Variants in GLB1 observed in about 807,000 individuals in gnomAD.
The protein encoded by GLB1 is beta-galactosidase.
Under a neutral mutation model 74.0 loss-of-function variants are expected in GLB1, and 56 were observed. The ratio of observed to expected loss-of-function variants is 0.76; its 90% CI spans 0.61 to 0.94. The LOEUF (loss-of-function observed/expected upper bound fraction) is 0.94, where lower values mean the gene tolerates loss of function less well. Ranked by LOEUF, GLB1 falls within the 40% of genes least tolerant of loss-of-function variation. The pLI is 0.00. For missense variants in GLB1, 787 were observed against 845.5 expected, an observed-to-expected ratio of 0.93 and a Z score of 0.86; for synonymous variants, 323 against 323.6, an observed-to-expected ratio of 1.00 and a Z score of 0.02.
At chr3:32,982,806 GTC>G in the GLB1 span, among the ~76,000 whole-genome samples, 1 of 152,214 alleles carries the variant, frequency 6.6e-6, no homozygotes, top group South Asian at 2.1e-4. Flanking sequence ...TTCAGTGAGA[GTC>G]TCTGTTTATG....
At chr3:33,072,483 G>T in intron 2 of GLB1, 61 bp downstream of exon 2, 1 of 1,607,462 alleles carries the variant, frequency 6.2e-7, no homozygotes, top group Non-Finnish European at 8.5e-7. Context: ...AAATACAGTT[G>T]TATCTTCTCT....
chr3:32,969,163 G>A, the GLB1 span, among the ~76,000 whole-genome samples: 2 of 152,296 alleles, frequency 1.3e-5, no homozygotes, highest in African/African-American at 4.8e-5. Flanking sequence ...CCGTCGTGCT[G>A]GGTATGCAGT....
rs141241185 is a variant in GLB1 at position 33,071,609 on chromosome 3, G to A, written c.245+935C>T. 7.9e-3 allele frequency among the ~76,000 whole-genome samples: 1,207 copies of A among 152,236 alleles called. 9 individuals are homozygous for A. The highest frequency in any genetic ancestry group is 0.012 in the Non-Finnish European group (832 of 68,016). ...TCAGAAAACAATACCCCAAAGTATG[G>A]CACCTTGGCATGCTAAGTACTTTGA... On this transcript the variant is annotated intron_variant, in intron 2 of 15. Coordinates refer to ENST00000307363, the MANE Select transcript of GLB1 (RefSeq NM_000404.4).
At chr3:32,988,854 T>C in the GLB1 span, among the ~76,000 whole-genome samples, 1 of 152,130 alleles carries the variant, frequency 6.6e-6, no homozygotes, top group Non-Finnish European at 1.5e-5. Context: ...TGTTTTTTTT[T>C]TCTACAAGCT....
intron 10 of GLB1, chr3:33,030,080 G>T (rs1488046841): frequency 6.6e-6 from 1 of 152,196 alleles, no homozygotes; most frequent in Admixed American, 6.5e-5. Context: ...GGTAACTGAG[G>T]TGTGTCTTCA....
chr3:32,965,184 G>A, the GLB1 span, among the ~76,000 whole-genome samples: 1 of 152,336 alleles, frequency 6.6e-6, no homozygotes, highest in African/African-American at 2.4e-5. Context: ...AAATGTGGAA[G>A]CGACTTTGGA....
intron 11 of GLB1, among the ~76,000 whole-genome samples, chr3:33,023,468 T>C (rs1276290781): frequency 6.6e-6 from 1 of 152,156 alleles, no homozygotes; most frequent in Non-Finnish European, 1.5e-5. Flanking sequence ...ATGGAAAAAT[T>C]ACATAATCAT....
intron 1 of GLB1, among the ~76,000 whole-genome samples, chr3:33,078,093 A>G (rs2125562966): frequency 6.6e-6 from 1 of 152,256 alleles, no homozygotes; most frequent in Non-Finnish European, 1.5e-5. Flanking sequence ...TAAACAAACA[A>G]AATTAGCTGG....
At chr3:32,994,727 C>A (rs1696277932), downstream of GLB1, among the ~76,000 whole-genome samples, 1 of 151,928 alleles carries the variant, frequency 6.6e-6, no homozygotes, top group African/African-American at 2.4e-5. Context: ...TTGAGACCAG[C>A]CTGACCAACA....
intron 1 of GLB1, chr3:33,090,285 C>T: frequency 1.8e-6 from 1 of 555,880 alleles, no homozygotes; most frequent in Non-Finnish European, 2.3e-6. Context: ...ATAAAGAGTA[C>T]AGGTGGGGCA....
chr3:33,047,775 T>C (rs1426175783), intron 9 of GLB1, among the ~76,000 whole-genome samples: 1 of 152,204 alleles, frequency 6.6e-6, no homozygotes, highest in Non-Finnish European at 1.5e-5. Context: ...AAAGACTTTT[T>C]CATTAGTTCT....
At chr3:33,004,457 G>A (rs147696198) in intron 15 of GLB1, among the ~76,000 whole-genome samples, 1 of 152,328 alleles carries the variant, frequency 6.6e-6, no homozygotes, top group Non-Finnish European at 1.5e-5. Flanking sequence ...GTCAGAAGGT[G>A]CCTAAGCATG....
At chr3:33,002,474 C>G in intron 15 of GLB1, among the ~76,000 whole-genome samples, 1 of 151,504 alleles carries the variant, frequency 6.6e-6, no homozygotes, top group Non-Finnish European at 1.5e-5. Flanking sequence ...CTTAAGCGAT[C>G]CTCCTGTGTC....
chr3:33,062,413 C>T (rs1699478804), intron 5 of GLB1, among the ~76,000 whole-genome samples: 1 of 152,220 alleles, frequency 6.6e-6, no homozygotes, highest in South Asian at 2.1e-4. Flanking sequence ...AGAGATCCTC[C>T]TGCCTCGGCC....
chr3:32,985,139 T>C, the GLB1 span, among the ~76,000 whole-genome samples: 16 of 151,502 alleles, frequency 1.1e-4, no homozygotes, highest in Non-Finnish European at 7.4e-5. Flanking sequence ...GAAGTGTCTC[T>C]GAATGATTTA....
At chr3:33,087,574 TGC>T (rs143221303) in intron 1 of GLB1, among the ~76,000 whole-genome samples, 25 of 51,798 alleles carry the variant, frequency 4.8e-4, no homozygotes, top group African/African-American at 2.0e-3. Context: ...TGTCTCAGCA[TGC>T]GCGCACACAC....
intron 1 of GLB1, among the ~76,000 whole-genome samples, chr3:33,085,274 C>CA (rs772490092): frequency 0.33 from 24,711 of 73,922 alleles, 4,284 homozygotes; most frequent in East Asian, 0.75. Context: ...GAGTCTGTTT[C>CA]AAAAAAAAAA....
chr3:33,064,548 G>A lies in GLB1; in HGVS notation c.552+915C>T, dbSNP rs184836785. On this transcript the variant is annotated intron_variant, in intron 5 of 15. Coordinates refer to ENST00000307363, the MANE Select transcript of GLB1 (RefSeq NM_000404.4). The stretch of plus-strand genomic sequence containing the variant: ...TCCCAGCACTTTGGAAGGCCAAGGC[G>A]GGCAGATCACCTGAGGTCAGGAGTT... Among the ~76,000 whole-genome samples, 458 of 151,604 alleles carry A rather than the reference G, an allele frequency of 3.0e-3. 1 individual carries two copies. The highest frequency in any genetic ancestry group is 0.01 in the African/African-American group (429 of 41,306).
At chr3:33,080,774 T>C (rs1054773655) in intron 1 of GLB1, among the ~76,000 whole-genome samples, 1 of 152,192 alleles carries the variant, frequency 6.6e-6, no homozygotes, top group Non-Finnish European at 1.5e-5. Context: ...TGCTCTTGGA[T>C]CACTTCTCAA....
Sources: allele counts gnomAD v4.1 joint callset (sites outside exome capture counted in the v4.1 genomes callset), GRCh38; gene constraint gnomAD v4.1.1; transcripts MANE v1.5; gene names NCBI Gene and HGNC (gene_info 2026-07-23, HGNC 2026-07-21).